SHC3: variants seen among roughly 807,000 people sequenced by gnomAD.
SHC3 encodes the protein SHC-transforming protein 3.
Under a neutral mutation model 60.4 loss-of-function variants are expected in SHC3, and 15 were observed. The observed-to-expected ratio is 0.25, with a 90% CI of 0.17 to 0.38. The LOEUF (loss-of-function observed/expected upper bound fraction) is 0.38. Ranked by LOEUF, SHC3 falls within the 10% of genes least tolerant of loss-of-function variation. SHC3 has a pLI of 1.00. For missense variants in SHC3, 677 were observed against 786.1 expected (o/e 0.86, Z 1.66); for synonymous variants, 294 against 325.9 (o/e 0.90, Z 1.05).
At chr9:89,123,918 T>C (rs1377472756) in intron 1 of SHC3, among the ~76,000 whole-genome samples, 1 of 152,198 alleles carries the variant, frequency 6.6e-6, no homozygotes, top group Non-Finnish European at 1.5e-5. Context: ...CATTTTATTG[T>C]TAGTATGCTG....
chr9:89,116,427 AACC>A (rs750158645), intron 1 of SHC3, among the ~76,000 whole-genome samples: 2 of 152,008 alleles, frequency 1.3e-5, no homozygotes, highest in Admixed American at 6.6e-5. Context: ...ACGTGAATAC[AACC>A]ACCACCACCA....
At chr9:89,110,667 A>C (rs1422414278) in intron 2 of SHC3, among the ~76,000 whole-genome samples, 1 of 152,254 alleles carries the variant, frequency 6.6e-6, no homozygotes, top group Non-Finnish European at 1.5e-5. Context: ...AAGAGACAGA[A>C]AGCATCATGG....
At chr9:89,040,735 G>A (rs1824674922) in intron 10 of SHC3, among the ~76,000 whole-genome samples, 1 of 152,244 alleles carries the variant, frequency 6.6e-6, no homozygotes, top group African/African-American at 2.4e-5. Flanking sequence ...TGGCGGGACT[G>A]AATTAGGTGA....
At chr9:89,098,920 C>T (rs540435331) in intron 2 of SHC3, among the ~76,000 whole-genome samples, 8 of 151,892 alleles carry the variant, frequency 5.3e-5, no homozygotes, top group African/African-American at 1.9e-4. Flanking sequence ...TGCAGTGAGC[C>T]GACATTGTGC....
At chr9:89,103,842 T>A (rs998145337) in intron 2 of SHC3, among the ~76,000 whole-genome samples, 1 of 152,104 alleles carries the variant, frequency 6.6e-6, no homozygotes, top group Non-Finnish European at 1.5e-5. Context: ...AAACTGTGGA[T>A]CCTAGACAAA....
intron 6 of SHC3, among the ~76,000 whole-genome samples, chr9:89,056,239 CTTTTCTTTTTCT>C (rs1056418234): frequency 6.6e-6 from 1 of 152,126 alleles, no homozygotes; most frequent in African/African-American, 2.4e-5. Context: ...TCTTCCATTT[CTTTTCTTTTTCT>C]TTTTCTTTTT....
At chr9:89,175,789 C>T (rs566644295) in intron 1 of SHC3, among the ~76,000 whole-genome samples, 3 of 152,110 alleles carry the variant, frequency 2.0e-5, no homozygotes, top group Admixed American at 6.5e-5. Flanking sequence ...GTAAGGATAC[C>T]GGTAGAACTA....
At chr9:89,140,261 G>A (rs894104350) in intron 1 of SHC3, among the ~76,000 whole-genome samples, 5 of 152,164 alleles carry the variant, frequency 3.3e-5, no homozygotes, top group South Asian at 2.1e-4. Flanking sequence ...ACTGGCTTCA[G>A]GGTGGAGCCC....
At chr9:89,049,510 A>G (rs1824828314) in intron 7 of SHC3, among the ~76,000 whole-genome samples, 1 of 152,224 alleles carries the variant, frequency 6.6e-6, no homozygotes, top group African/African-American at 2.4e-5. Context: ...AATAGCATTT[A>G]TTTGGCTTTT....
At chr9:89,156,283 T>C (rs1294256471) in intron 1 of SHC3, among the ~76,000 whole-genome samples, 2 of 152,144 alleles carry the variant, frequency 1.3e-5, no homozygotes, top group African/African-American at 2.4e-5. Flanking sequence ...CTGCCAGTCA[T>C]AGGAGTTCAC....
At chr9:89,170,190 A>G (rs1305755570) in intron 1 of SHC3, among the ~76,000 whole-genome samples, 1 of 152,192 alleles carries the variant, frequency 6.6e-6, no homozygotes, top group Non-Finnish European at 1.5e-5. Context: ...GGGATTCGAC[A>G]TGGTACAGCA....
intron 1 of SHC3, among the ~76,000 whole-genome samples, chr9:89,167,908 G>T (rs1265868120): frequency 6.6e-6 from 1 of 152,196 alleles, no homozygotes; most frequent in Admixed American, 6.5e-5. Context: ...ATGTAAGGTG[G>T]CTACATGCCC....
chr9:89,058,189 A>T (rs901455390), intron 6 of SHC3, among the ~76,000 whole-genome samples: 1 of 152,178 alleles, frequency 6.6e-6, no homozygotes, highest in Admixed American at 6.5e-5. Flanking sequence ...AAGACAATGT[A>T]AAACAAAGAA....
At chr9:89,136,741 T>C (rs567400022) in intron 1 of SHC3, among the ~76,000 whole-genome samples, 2 of 152,348 alleles carry the variant, frequency 1.3e-5, no homozygotes, top group African/African-American at 4.8e-5. Flanking sequence ...TTTTACTCTA[T>C]GGATTTGCCT....
chr9:89,116,418 C>T (rs1826019726), intron 1 of SHC3, among the ~76,000 whole-genome samples: 1 of 151,896 alleles, frequency 6.6e-6, no homozygotes, highest in Admixed American at 6.6e-5. Context: ...CACAGAGTTA[C>T]GTGAATACAA....
chr9:89,096,140 C>T (rs1825697676), intron 2 of SHC3, among the ~76,000 whole-genome samples: 2 of 152,178 alleles, frequency 1.3e-5, no homozygotes, highest in Admixed American at 6.5e-5. Flanking sequence ...CCCGCACAAA[C>T]GTTGAATACG....
In SHC3 at chr9:89,090,586, G is replaced by T. The variant is rs143384543; in HGVS notation, c.546-12683C>A. Reference sequence around the variant, plus strand: ...GGTGAGGCTGCACAGGGCCTTGGAGGCTGAGGAGGTTTGAGAGAGGAGAGT... The same window carrying T: ...GGTGAGGCTGCACAGGGCCTTGGAGTCTGAGGAGGTTTGAGAGAGGAGAGT... On this transcript the variant is annotated intron_variant, in intron 2 of 11. Coordinates refer to ENST00000375835, the MANE Select transcript of SHC3 (RefSeq NM_016848.6). Among the ~76,000 whole-genome samples the T allele has an allele frequency of 6.1e-3, 934 of 152,326 alleles. 9 individuals carry two copies. Among genetic ancestry groups the T allele is most frequent in the African/African-American group, 0.021 (878 of 41,574 alleles).
At chr9:89,140,637 A>G (rs1826380143) in intron 1 of SHC3, among the ~76,000 whole-genome samples, 1 of 152,250 alleles carries the variant, frequency 6.6e-6, no homozygotes, top group Non-Finnish European at 1.5e-5. Flanking sequence ...AAAACATCAG[A>G]TACGGCAATG....
At chr9:89,028,391 G>T (rs143813617) in intron 11 of SHC3, among the ~76,000 whole-genome samples, 1 of 150,820 alleles carries the variant, frequency 6.6e-6, no homozygotes, top group East Asian at 1.9e-4. Flanking sequence ...TGAAGAGAAA[G>T]ATCATGATGA....
Sources: gnomAD v4.1 joint callset for allele counts (sites outside exome capture counted in the v4.1 genomes callset) on GRCh38, gnomAD v4.1.1 for gene constraint, MANE v1.5 for transcripts, NCBI Gene and HGNC (gene_info 2026-07-23, HGNC 2026-07-21) for gene names.